CAST: variants seen among roughly 807,000 people sequenced by gnomAD.
CAST encodes the protein MIR583 host.
Under a neutral mutation model 119.6 loss-of-function variants are expected in CAST, and 76 were observed. The ratio of observed to expected loss-of-function variants is 0.64; its 90% CI spans 0.53 to 0.77. The LOEUF is 0.77. Ranked by LOEUF, CAST falls within the 30% of genes least tolerant of loss-of-function variation. The pLI, the probability that CAST is intolerant of heterozygous loss-of-function variation, is 0.00. For synonymous variants in CAST, 319 were observed against 331.6 expected (o/e 0.96, Z 0.41); for missense variants, 953 against 946.5 (o/e 1.01, Z -0.09).
At chr5:96,715,368 A>G (rs1055919997) in intron 3 of CAST, among the ~76,000 whole-genome samples, 3 of 152,164 alleles carry the variant, frequency 2.0e-5, no homozygotes, top group Non-Finnish European at 4.4e-5. Context: ...CTATCTACAC[A>G]TTTTGTAAAA....
At chr5:96,238,357 T>TCTCCTTCTTCTC in the CAST span, among the ~76,000 whole-genome samples, 2 of 79,598 alleles carry the variant, frequency 2.5e-5, no homozygotes, top group Admixed American at 1.6e-4. Context: ...ATCTTCATCT[T>TCTCCTTCTTCTC]CTTCTTCTCC....
At chr5:96,276,301 C>A in the CAST span, among the ~76,000 whole-genome samples, 1 of 152,080 alleles carries the variant, frequency 6.6e-6, no homozygotes, top group African/African-American at 2.4e-5. Context: ...TGATATTGGG[C>A]CTCTGAACTA....
chr5:96,236,630 A>C, the CAST span, among the ~76,000 whole-genome samples: 6 of 152,228 alleles, frequency 3.9e-5, no homozygotes, highest in African/African-American at 1.4e-4. Context: ...AATGCACGTG[A>C]AAGCATTTCT....
At chr5:96,255,355 A>T in the CAST span, among the ~76,000 whole-genome samples, 1 of 152,194 alleles carries the variant, frequency 6.6e-6, no homozygotes, top group Non-Finnish European at 1.5e-5. Flanking sequence ...CAAAACCATC[A>T]ATTTTATTTA....
At chr5:96,518,285 C>T in the CAST span, among the ~76,000 whole-genome samples, 1 of 152,192 alleles carries the variant, frequency 6.6e-6, no homozygotes, top group Non-Finnish European at 1.5e-5. Context: ...TCCTCCTCTA[C>T]AGATATTATA....
chr5:96,722,783 G>A, intron 4 of CAST, 85 bp downstream of exon 4: 1 of 947,614 alleles, frequency 1.1e-6, no homozygotes, highest in African/African-American at 1.6e-5. Flanking sequence ...TGTTGATGAT[G>A]AGTTATATAT....
At chr5:96,177,950 T>C in the CAST span, among the ~76,000 whole-genome samples, 1 of 152,214 alleles carries the variant, frequency 6.6e-6, no homozygotes, top group Non-Finnish European at 1.5e-5. Context: ...TACTCTTCGC[T>C]AGAAATACTC....
the CAST span, among the ~76,000 whole-genome samples, chr5:96,414,684 T>C: frequency 6.6e-6 from 1 of 152,216 alleles, no homozygotes; most frequent in Non-Finnish European, 1.5e-5. Flanking sequence ...GCAGCTTGCT[T>C]CTGATTCTTT....
the CAST span, among the ~76,000 whole-genome samples, chr5:96,217,024 T>C: frequency 3.3e-5 from 5 of 151,948 alleles, no homozygotes; most frequent in Admixed American, 2.0e-4. Context: ...TGAGAAGTAA[T>C]AAAATTATTA....
chr5:96,771,761 T>A, intron 31 of CAST, 59 bp downstream of exon 31: 2 of 1,073,660 alleles, frequency 1.9e-6, no homozygotes, highest in Admixed American at 3.7e-5. Context: ...ATTTATGTGT[T>A]ATAGATGAGA....
the CAST span, among the ~76,000 whole-genome samples, chr5:96,367,951 C>T: frequency 6.6e-6 from 1 of 152,012 alleles, no homozygotes; most frequent in East Asian, 1.9e-4. Context: ...TCTTCCTATT[C>T]AGCCATCTTG....
Position 96,648,048 on chromosome 5 carries a change from T to C in CAST, c.61-27491T>C, listed in dbSNP as rs144220679. On this transcript the variant is annotated intron_variant, in intron 1 of 11. Coordinates refer to the CAST transcript ENST00000505143. ...TTTAGTCTGGAAAGAGTAACTGCTT[T>C]TTCAACTTAGGTTGTGTTTCCCCAG... 1.3e-3 allele frequency among the ~76,000 whole-genome samples: 194 copies of C among 152,336 alleles called. 1 individual carries two copies. The highest frequency in any genetic ancestry group is 4.5e-3 in the African/African-American group (186 of 41,590).
chr5:96,095,133 C>G, the CAST span, among the ~76,000 whole-genome samples: 21 of 152,132 alleles, frequency 1.4e-4, no homozygotes, highest in African/African-American at 4.8e-4. Context: ...TTGTGTCAGT[C>G]ATTTTTGCAA....
chr5:96,719,443 G>A (rs113657269), intron 3 of CAST, among the ~76,000 whole-genome samples: 1,812 of 152,334 alleles, frequency 0.012, 33 homozygotes, highest in African/African-American at 0.041. Context: ...TTTCAGGTGT[G>A]AGCCATTGCA....
chr5:96,183,572 A>G, the CAST span, among the ~76,000 whole-genome samples: 8 of 152,110 alleles, frequency 5.3e-5, no homozygotes, highest in Non-Finnish European at 1.2e-4. Context: ...CTTTTTTATT[A>G]TCTTTGATTT....
the CAST span, among the ~76,000 whole-genome samples, chr5:96,287,930 T>C: frequency 2.0e-5 from 3 of 152,136 alleles, no homozygotes; most frequent in African/African-American, 7.2e-5. Flanking sequence ...ACAGAAAATC[T>C]TTTTACGGTG....
intron 25 of CAST, chr5:96,763,238 T>C (rs1768639497): frequency 1.3e-6 from 1 of 780,612 alleles, no homozygotes; most frequent in African/African-American, 1.7e-5. Context: ...TCTGAAAATA[T>C]CCAGAGGCAC....
intron 22 of CAST, among the ~76,000 whole-genome samples, chr5:96,756,461 T>A (rs1442014322): frequency 6.6e-6 from 1 of 152,240 alleles, no homozygotes; most frequent in East Asian, 1.9e-4. Flanking sequence ...GGACCAGAAC[T>A]GTTTCAGATT....
At chr5:96,616,753 TACACAC>T (rs377159898) in intron 1 of CAST, among the ~76,000 whole-genome samples, 9,689 of 130,730 alleles carry the variant, frequency 0.074, 382 homozygotes, top group African/African-American at 0.12. Flanking sequence ...TCTATATATA[TACACAC>T]ACACACACAC....
Sources: allele counts gnomAD v4.1 joint callset (sites outside exome capture counted in the v4.1 genomes callset), GRCh38; gene constraint gnomAD v4.1.1; transcripts MANE v1.5; gene names NCBI Gene and HGNC (gene_info 2026-07-23, HGNC 2026-07-21).